CRACDL: variants seen among roughly 807,000 people sequenced by gnomAD.
The protein encoded by CRACDL is CRACD like, also known as CRACD-like protein.
In CRACDL, 26 loss-of-function variants were observed where a neutral mutation model predicts 70.6. The ratio of observed to expected loss-of-function variants is 0.37; its 90% confidence interval spans 0.27 to 0.51. The LOEUF (loss-of-function observed/expected upper bound fraction) is 0.51. CRACDL is among the 20% of genes least tolerant of loss of function. The pLI, the probability that CRACDL is intolerant of heterozygous loss-of-function variation, is 0.94. For missense variants in CRACDL, 1,283 were observed against 1,376.9 expected (o/e 0.93, Z 1.08); for synonymous variants, 618 against 615.2 (o/e 1.00, Z -0.07).
At chr2:98,796,339 G>A in intron 8 of CRACDL, 75 bp from the exon 9 acceptor site, 1 of 1,458,428 alleles carries the variant, frequency 6.9e-7, no homozygotes, top group Non-Finnish European at 9.5e-7. Flanking sequence ...AAGTGAAGGA[G>A]CTGCAAAGCT....
intron 5 of CRACDL, among the ~76,000 whole-genome samples, chr2:98,830,967 C>G (rs78498397): frequency 0.042 from 6,458 of 152,276 alleles, 247 homozygotes; most frequent in South Asian, 0.18. Flanking sequence ...CCTCTTCCTA[C>G]TGCATAGCTC....
At chr2:98,913,332 G>C (rs1169364317) in intron 1 of CRACDL, among the ~76,000 whole-genome samples, 1 of 152,158 alleles carries the variant, frequency 6.6e-6, no homozygotes, top group Non-Finnish European at 1.5e-5. Context: ...CACCTCTGTC[G>C]GGGGGTGGGA....
chr2:98,905,313 A>G (rs1708383376), intron 1 of CRACDL, among the ~76,000 whole-genome samples: 1 of 149,832 alleles, frequency 6.7e-6, no homozygotes, highest in African/African-American at 2.5e-5. Context: ...CTCTCTTGCC[A>G]TGCGACATGC....
At chr2:98,895,298 T>G (rs1708089803) in intron 1 of CRACDL, among the ~76,000 whole-genome samples, 1 of 152,164 alleles carries the variant, frequency 6.6e-6, no homozygotes, top group South Asian at 2.1e-4. Context: ...TCTAGAATTA[T>G]GACACACACA....
chr2:98,895,423 G>A (rs1043761314), intron 1 of CRACDL, among the ~76,000 whole-genome samples: 1 of 152,192 alleles, frequency 6.6e-6, no homozygotes, highest in Non-Finnish European at 1.5e-5. Context: ...AAACATACCA[G>A]ACAAATACGG....
At chr2:98,846,696 G>A (rs774920055) in intron 2 of CRACDL, 35 bp downstream of exon 2, 13 of 1,563,628 alleles carry the variant, frequency 8.3e-6, no homozygotes, top group Non-Finnish European at 2.6e-6. Context: ...AACAAAGCAA[G>A]TGCCCTCCCC....
intron 1 of CRACDL, among the ~76,000 whole-genome samples, chr2:98,914,132 AGG>A (rs1708609398): frequency 6.6e-6 from 1 of 152,248 alleles, no homozygotes; most frequent in Non-Finnish European, 1.5e-5. Flanking sequence ...ACTAGGAGCC[AGG>A]AAGCCGAGGC....
intron 1 of CRACDL, among the ~76,000 whole-genome samples, chr2:98,915,938 A>G (rs988235866): frequency 2.0e-5 from 3 of 152,152 alleles, no homozygotes; most frequent in African/African-American, 4.8e-5. Flanking sequence ...TTGACGAATG[A>G]CAGCCCAGGT....
chr2:98,927,945 C>G (rs1030529264), intron 1 of CRACDL, among the ~76,000 whole-genome samples: 4 of 152,128 alleles, frequency 2.6e-5, no homozygotes, highest in African/African-American at 9.7e-5. Flanking sequence ...CTTTGAGAGG[C>G]TGAGGCAGGT....
intron 1 of CRACDL, among the ~76,000 whole-genome samples, chr2:98,921,134 C>T (rs12233010): frequency 0.032 from 4,929 of 152,302 alleles, 104 homozygotes; most frequent in Middle Eastern, 0.1. Flanking sequence ...AAGGTGGGAG[C>T]CCCGTCTTGG....
intron 1 of CRACDL, among the ~76,000 whole-genome samples, chr2:98,934,513 C>T (rs527999292): frequency 1.2e-4 from 18 of 152,200 alleles, no homozygotes; most frequent in African/African-American, 4.3e-4. Context: ...TCTTAACTAG[C>T]CTAAGAGGGC....
chr2:98,849,407 T>G (rs973048248), intron 1 of CRACDL, among the ~76,000 whole-genome samples: 1 of 152,054 alleles, frequency 6.6e-6, no homozygotes, highest in Non-Finnish European at 1.5e-5. Context: ...GAGGTGTGTG[T>G]GAGAATGTGT....
chr2:98,854,570 T>G (rs934356967), intron 1 of CRACDL, among the ~76,000 whole-genome samples: 1 of 151,950 alleles, frequency 6.6e-6, no homozygotes, highest in African/African-American at 2.4e-5. Flanking sequence ...TCGTAAAAAA[T>G]ATCTTACAAA....
chr2:98,913,950 G>A (rs994683281), intron 1 of CRACDL, among the ~76,000 whole-genome samples: 2 of 152,230 alleles, frequency 1.3e-5, no homozygotes, highest in Non-Finnish European at 2.9e-5. Context: ...CGCTTTATGC[G>A]CAGCCCTAGG....
At chr2:98,872,094 G>A (rs560272573) in intron 1 of CRACDL, among the ~76,000 whole-genome samples, 6 of 152,286 alleles carry the variant, frequency 3.9e-5, no homozygotes, top group East Asian at 1.9e-4. Flanking sequence ...CAGGCTGGAC[G>A]TGGTGGCTCA....
chr2:98,831,247 G>A (rs1289705416), intron 5 of CRACDL, among the ~76,000 whole-genome samples: 1 of 152,158 alleles, frequency 6.6e-6, no homozygotes, highest in African/African-American at 2.4e-5. Flanking sequence ...CCGGCTTCAT[G>A]TCAGTCCCCA....
At chr2:98,883,372 T>C (rs1707709530) in intron 1 of CRACDL, among the ~76,000 whole-genome samples, 1 of 152,150 alleles carries the variant, frequency 6.6e-6, no homozygotes, top group Admixed American at 6.5e-5. Flanking sequence ...GGCACCACAA[T>C]CCACCTCCCA....
intron 7 of CRACDL, among the ~76,000 whole-genome samples, chr2:98,801,520 T>C (rs1467256405): frequency 6.6e-6 from 1 of 152,230 alleles, no homozygotes; most frequent in Non-Finnish European, 1.5e-5. Context: ...CTCTCTGAAC[T>C]GTATGCTTGT....
chr2:98,897,318 C>A, intron 1 of CRACDL: 1 of 1,165,372 alleles, frequency 8.6e-7, no homozygotes, highest in South Asian at 1.3e-5. Flanking sequence ...TGGTATTAAA[C>A]GTGAAGGCAC....
Sources: gnomAD v4.1 joint callset for allele counts (sites outside exome capture counted in the v4.1 genomes callset) on GRCh38, gnomAD v4.1.1 for gene constraint, MANE v1.5 for transcripts, NCBI Gene and HGNC (gene_info 2026-07-23, HGNC 2026-07-21) for gene names.